Variants in MAP3K7 observed in about 807,000 individuals in gnomAD.
MAP3K7 encodes the protein mitogen-activated protein kinase kinase kinase 7.
Under a neutral mutation model 84.8 loss-of-function variants are expected in MAP3K7, and 21 were observed. That is an observed-to-expected ratio of 0.25 (90% CI 0.18 to 0.36). The LOEUF (loss-of-function observed/expected upper bound fraction) is 0.36, where lower values mean the gene tolerates loss of function less well. Ranked by LOEUF, MAP3K7 falls within the 10% of genes least tolerant of loss-of-function variation. The pLI is 1.00. For synonymous variants in MAP3K7, 241 were observed against 247.7 expected (o/e 0.97, Z 0.25); for missense variants, 503 against 747.7 (o/e 0.67, Z 3.82).
At chr6:90,522,244 T>C (rs1582159914) in intron 14 of MAP3K7, among the ~76,000 whole-genome samples, 2 of 152,104 alleles carry the variant, frequency 1.3e-5, no homozygotes, top group East Asian at 3.9e-4. Context: ...AGTTGGAAGG[T>C]AGAAGCAACA....
At chr6:90,567,374 T>C (rs1016384747) in intron 3 of MAP3K7, among the ~76,000 whole-genome samples, 3 of 151,578 alleles carry the variant, frequency 2.0e-5, no homozygotes, top group Non-Finnish European at 4.4e-5. Flanking sequence ...CAAGAAAAAA[T>C]CAAACAACCC....
rs1313019912 is a variant in MAP3K7, at chr6:90,515,787, T to C, written c.*714A>G. The C allele has an allele frequency of 6.6e-6, 1 of 151,928 alleles. No individual in the cohort carries two copies. Among genetic ancestry groups the C allele is most frequent in the Non-Finnish European group, 1.5e-5 (1 of 67,900 alleles). 9.4% of individuals were successfully genotyped at this position (151,928 alleles called of 1,614,324 possible). A position where few individuals can be genotyped will look rare whatever the true frequency, so the allele number is the denominator to read the frequency against. ...AACACACATACACACAATCACAGAATTAAAAATCTTTACTCCTTAAAAAAA... is the reference window on the plus strand; with the variant it reads ...AACACACATACACACAATCACAGAACTAAAAATCTTTACTCCTTAAAAAAA... On this transcript the variant is annotated 3_prime_UTR_variant, in exon 17 of 17. Coordinates refer to ENST00000369329, the MANE Select transcript of MAP3K7 (RefSeq NM_145331.3).
intron 5 of MAP3K7, 45 bp downstream of exon 5, chr6:90,560,031 G>C (rs1776456310): frequency 1.2e-6 from 2 of 1,612,034 alleles, no homozygotes; most frequent in Non-Finnish European, 1.7e-6. Context: ...GAGAGTGAGA[G>C]AGAAGGAGGA....
intron 11 of MAP3K7, among the ~76,000 whole-genome samples, chr6:90,546,893 G>A (rs1248431669): frequency 6.6e-6 from 1 of 152,044 alleles, no homozygotes; most frequent in Non-Finnish European, 1.5e-5. Context: ...TATTATTTGA[G>A]TTCAGCACAA....
At chr6:90,550,686 GTACTCT>G in intron 8 of MAP3K7, 137 bp from the exon 9 acceptor site, 1 of 546,304 alleles carries the variant, frequency 1.8e-6, no homozygotes, top group East Asian at 3.0e-5. Context: ...TTACAATAAT[GTACTCT>G]TGGATTTCAA....
chr6:90,547,681 A>G (rs961183258), intron 10 of MAP3K7, among the ~76,000 whole-genome samples: 1 of 152,218 alleles, frequency 6.6e-6, no homozygotes, highest in African/African-American at 2.4e-5. Flanking sequence ...TTTAAAAATC[A>G]ACAATGGCAA....
In MAP3K7 at chr6:90,516,369, C is replaced by T. The variant is rs1774961914; in HGVS notation, c.*132G>A. 4.8e-6 allele frequency: 4 copies of T among 838,776 alleles called. No individual in the cohort carries two copies. Among genetic ancestry groups the T allele is most frequent in the Non-Finnish European group, 7.7e-6 (4 of 521,434 alleles). The allele number at this position is 838,776 out of a possible 1,614,324, so 52.0% of individuals were successfully genotyped here. The stretch of plus-strand genomic sequence containing the variant: ...AGGAAAATAAACAATGAAAAAAATG[C>T]AGCAAATATAGGCAGTTGGCATTCA... On this transcript the variant is annotated 3_prime_UTR_variant, in exon 17 of 17. Coordinates refer to ENST00000369329, the MANE Select transcript of MAP3K7 (RefSeq NM_145331.3).
intron 1 of MAP3K7, among the ~76,000 whole-genome samples, chr6:90,585,082 A>G (rs1179865741): frequency 6.6e-6 from 1 of 152,212 alleles, no homozygotes; most frequent in Non-Finnish European, 1.5e-5. Context: ...GGTGTTTTGC[A>G]TATAATGTCT....
intron 11 of MAP3K7, 137 bp from the exon 12 acceptor site, chr6:90,544,769 C>T: frequency 1.5e-6 from 1 of 677,120 alleles, no homozygotes; most frequent in Non-Finnish European, 2.6e-6. Context: ...TGCAGAACTA[C>T]CTAACTTTTC....
intron 2 of MAP3K7, among the ~76,000 whole-genome samples, 196 bp from the exon 3 acceptor site, chr6:90,568,819 T>C (rs1451425365): frequency 6.6e-6 from 1 of 152,158 alleles, no homozygotes; most frequent in Non-Finnish European, 1.5e-5. Flanking sequence ...GAATCCCTGT[T>C]CTCCAGCTCA....
Position 90,571,113 on chromosome 6 carries a change from T to C in MAP3K7, c.231+584A>G, listed in dbSNP as rs112572032. ...TCCATTGGCCAATGAGGTTTAATAGTGATAAAAACATTGATTTAACTAAAT... is the reference window on the plus strand; with the variant it reads ...TCCATTGGCCAATGAGGTTTAATAGCGATAAAAACATTGATTTAACTAAAT... On this transcript the variant is annotated intron_variant, in intron 2 of 16. Transcript: ENST00000369329. Among the ~76,000 whole-genome samples the C allele has an allele frequency of 2.6e-5, 4 of 152,246 alleles. 1 individual carries two copies. Among genetic ancestry groups the C allele is most frequent in the African/African-American group, 9.6e-5 (4 of 41,562 alleles).
intron 14 of MAP3K7, among the ~76,000 whole-genome samples, chr6:90,520,497 T>C (rs981594287): frequency 2.0e-5 from 3 of 151,992 alleles, no homozygotes; most frequent in Admixed American, 6.6e-5. Flanking sequence ...AGGAACACCA[T>C]GCAAATCCTG....
rs368363198 is a variant in MAP3K7, at chr6:90,549,443, A to C, written c.949+1025T>G. 3.3e-5 allele frequency among the ~76,000 whole-genome samples: 5 copies of C among 152,344 alleles called. 1 individual carries two copies. Among genetic ancestry groups the C allele is most frequent in the African/African-American group, 1.2e-4 (5 of 41,586 alleles). On this transcript the variant is annotated intron_variant, in intron 9 of 16. Transcript: ENST00000369329. Reference sequence around the variant, plus strand: ...GCTATCTCCAGCCACACTCAGCTGCATTGGTACAGGCAAGGAGTAAGCCGA... The same window carrying C: ...GCTATCTCCAGCCACACTCAGCTGCCTTGGTACAGGCAAGGAGTAAGCCGA...
chr6:90,526,375 T>A (rs536223600), intron 13 of MAP3K7, among the ~76,000 whole-genome samples: 17 of 152,254 alleles, frequency 1.1e-4, no homozygotes, highest in Non-Finnish European at 2.2e-4. Context: ...TTAAAAAAAA[T>A]TTCAGTATCA....
In MAP3K7 at chr6:90,553,556, A is replaced by G; in HGVS notation, c.638T>C (p.Phe213Ser). 1 of 1,613,532 alleles carries G rather than the reference A, an allele frequency of 6.2e-7. No homozygotes were observed. The highest frequency in any genetic ancestry group is 8.5e-7 in the Non-Finnish European group (1 of 1,179,786). Residue 213 changes from phenylalanine to serine, a missense_variant, in exon 7 of 17, where the codon TTC becomes TCC. Coordinates refer to ENST00000369329, the MANE Select transcript of MAP3K7 (RefSeq NM_145331.3). ...TTCCCAAAGAATAATACCCCAGCTG[A>G]AGACGTCACATTTTTCACTGTAATT... ...GSNYSEKCDVFSWGIILWEVI... is the reference protein window; with the variant it reads ...GSNYSEKCDVSSWGIILWEVI...
At position 90,516,283 on chromosome 6, in the gene MAP3K7, A is replaced by G; in HGVS notation, c.*218T>C. The G allele has an allele frequency of 1.7e-6, 1 of 576,296 alleles. No homozygotes were observed. Among genetic ancestry groups the G allele is most frequent in the Non-Finnish European group, 3.1e-6 (1 of 326,626 alleles). 35.7% of individuals were successfully genotyped at this position (576,296 alleles called of 1,614,324 possible). ...GAAGTTGCAAAGTGCTGCTCATTCA[A>G]GTCACAGATGCTACCATGTTATGCA... On this transcript the variant is annotated 3_prime_UTR_variant, in exon 17 of 17. Coordinates refer to ENST00000369329, the MANE Select transcript of MAP3K7 (RefSeq NM_145331.3).
At chr6:90,553,356 T>A in intron 7 of MAP3K7, 102 bp downstream of exon 7, 1 of 1,152,642 alleles carries the variant, frequency 8.7e-7, no homozygotes, top group South Asian at 1.5e-5. Context: ...TTGTACATTT[T>A]AATGTTAGAG....
At chr6:90,566,813 T>C (rs968255847) in intron 3 of MAP3K7, among the ~76,000 whole-genome samples, 2 of 152,212 alleles carry the variant, frequency 1.3e-5, no homozygotes, top group South Asian at 2.1e-4. Context: ...CTTCAAACTA[T>C]ACTACAAGGC....
chr6:90,520,721 T>G (rs1175507094), intron 14 of MAP3K7, among the ~76,000 whole-genome samples: 1 of 152,114 alleles, frequency 6.6e-6, no homozygotes, highest in African/African-American at 2.4e-5. Flanking sequence ...CATAAATGTG[T>G]GTTTTTCTGA....
Sources: gnomAD v4.1 joint callset for allele counts (sites outside exome capture counted in the v4.1 genomes callset) on GRCh38, gnomAD v4.1.1 for gene constraint, MANE v1.5 for transcripts, NCBI Gene and HGNC (gene_info 2026-07-23, HGNC 2026-07-21) for gene names.